Variants in MBOAT1 observed in about 807,000 individuals in gnomAD.
The protein encoded by MBOAT1 is membrane bound glycerophospholipid O-acyltransferase 1.
MBOAT1 carries 67 observed loss-of-function variants against 64.4 expected under a neutral mutation model. That is an observed-to-expected ratio of 1.04 (90% CI 0.85 to 1.27). MBOAT1 has a LOEUF of 1.27. MBOAT1 is among the 50% of genes most tolerant of loss of function. The pLI, the probability that MBOAT1 is intolerant of heterozygous loss-of-function variation, is 0.00. For missense variants in MBOAT1, 563 were observed against 604.6 expected, an observed-to-expected ratio of 0.93 and a Z score of 0.72; for synonymous variants, 229 against 218.9, an observed-to-expected ratio of 1.05 and a Z score of -0.41.
Position 20,102,355 on chromosome 6 carries a change from C to T in MBOAT1, c.1419G>A (p.Met473Ile). 6.2e-7 allele frequency: 1 copy of T among 1,613,572 alleles called. No homozygotes were observed. Among genetic ancestry groups the T allele is most frequent in the East Asian group, 2.2e-5 (1 of 44,870 alleles). ...GCCTTTGCGTATGAGCTTGTGGTTTCATTGGCAGAAATAGTATTATCAGGA... is the reference window on the plus strand; with the variant it reads ...GCCTTTGCGTATGAGCTTGTGGTTTTATTGGCAGAAATAGTATTATCAGGA... Reference protein sequence around the residue: ...ISLLIILFLPMKPQAHTQRRP... With the variant: ...ISLLIILFLPIKPQAHTQRRP... The change falls in exon 13 of 13, where the codon ATG (methionine) becomes ATA (isoleucine). Residue 473 changes from methionine to isoleucine, a missense_variant. Physicochemically the swap from Met to Ile is conservative, Grantham distance 10. Coordinates refer to ENST00000324607, the MANE Select transcript of MBOAT1 (RefSeq NM_001080480.3).
rs1234059022 is a variant in MBOAT1, at chr6:20,101,885, G to A, written c.*401C>T. 1.3e-5 allele frequency among the ~76,000 whole-genome samples: 2 copies of A among 151,932 alleles called. No homozygotes were observed. Among genetic ancestry groups the A allele is most frequent in the Non-Finnish European group, 2.9e-5 (2 of 67,956 alleles). On this transcript the variant is annotated 3_prime_UTR_variant, in exon 13 of 13. Coordinates refer to ENST00000324607, the MANE Select transcript of MBOAT1 (RefSeq NM_001080480.3). ...AATCCCAGCACTTTGGGAGGCCGAGGCGGGCGGATCACGAGGTCAGGAGAT... is the reference window on the plus strand; with the variant it reads ...AATCCCAGCACTTTGGGAGGCCGAGACGGGCGGATCACGAGGTCAGGAGAT...
intron 1 of MBOAT1, among the ~76,000 whole-genome samples, chr6:20,188,822 G>A (rs1762726255): frequency 6.6e-6 from 1 of 152,100 alleles, no homozygotes; most frequent in African/African-American, 2.4e-5. Context: ...TATCTGTGTG[G>A]CTGTGGGCAT....
At chr6:20,210,325 G>A (rs978157477) in intron 1 of MBOAT1, among the ~76,000 whole-genome samples, 2 of 152,124 alleles carry the variant, frequency 1.3e-5, no homozygotes, top group Admixed American at 6.5e-5. Context: ...TTAAAAATGT[G>A]AAAGGGAAAA....
chr6:20,182,309 G>T (rs1462917501), intron 1 of MBOAT1, among the ~76,000 whole-genome samples: 1 of 152,050 alleles, frequency 6.6e-6, no homozygotes, highest in Non-Finnish European at 1.5e-5. Context: ...TAGCAGAACG[G>T]CCAAACAAGC....
chr6:20,126,813 C>A (rs929193122), intron 6 of MBOAT1, 113 bp from the exon 7 acceptor site: 4 of 787,224 alleles, frequency 5.1e-6, no homozygotes, highest in Non-Finnish European at 8.0e-6. Flanking sequence ...ATGACATGAC[C>A]TTTCCTTGTT....
chr6:20,179,132 G>A (rs766645023), intron 1 of MBOAT1, among the ~76,000 whole-genome samples: 1 of 135,338 alleles, frequency 7.4e-6, no homozygotes, highest in Non-Finnish European at 1.5e-5. Flanking sequence ...CTGTTATTCT[G>A]CATGCTTCAA....
At chr6:20,139,121 TTTTTA>T (rs1373892337) in intron 4 of MBOAT1, among the ~76,000 whole-genome samples, 18 of 152,000 alleles carry the variant, frequency 1.2e-4, no homozygotes, top group African/African-American at 4.1e-4. Context: ...TTTGTTTGGG[TTTTTA>T]TTTTGTTTGT....
chr6:20,123,839 G>A (rs1237834325), intron 8 of MBOAT1, among the ~76,000 whole-genome samples: 1 of 152,118 alleles, frequency 6.6e-6, no homozygotes, highest in Non-Finnish European at 1.5e-5. Flanking sequence ...GGCAGATCAC[G>A]ACGTCAGGAG....
At chr6:20,124,625 C>T (rs1302018518) in intron 7 of MBOAT1, 25 bp from the exon 8 acceptor site, 1 of 1,611,242 alleles carries the variant, frequency 6.2e-7, no homozygotes, top group Non-Finnish European at 8.5e-7. Context: ...AAATCAGTGT[C>T]ACCGTGCAGA....
intron 1 of MBOAT1, among the ~76,000 whole-genome samples, chr6:20,170,272 C>T (rs1324319598): frequency 6.6e-6 from 1 of 152,196 alleles, no homozygotes; most frequent in Non-Finnish European, 1.5e-5. Flanking sequence ...AGATGTCTCT[C>T]CTGAAGACAC....
chr6:20,171,266 G>A (rs577509478), intron 1 of MBOAT1, among the ~76,000 whole-genome samples: 2 of 152,208 alleles, frequency 1.3e-5, no homozygotes, highest in South Asian at 4.1e-4. Flanking sequence ...GCTGGGTGCA[G>A]CGGCTCATGC....
In MBOAT1 at chr6:20,171,509, C is replaced by T. The variant is rs532334614; in HGVS notation, c.100-18740G>A. ...TCTAGGCTGCAGTGAGCTATGACTG[C>T]ACCACTGCACTCCAGCCTGCCAAGA... On this transcript the variant is annotated intron_variant, in intron 1 of 12. Transcript: ENST00000324607. Among the ~76,000 whole-genome samples the T allele has an allele frequency of 5.9e-4, 90 of 151,836 alleles. 1 individual carries two copies. The highest frequency in any genetic ancestry group is 2.0e-3 in the African/African-American group (81 of 41,394).
intron 1 of MBOAT1, among the ~76,000 whole-genome samples, chr6:20,192,916 A>G (rs147903197): frequency 5.5e-4 from 84 of 151,520 alleles, no homozygotes; most frequent in African/African-American, 2.0e-3. Context: ...GACACACCTC[A>G]GGAGGAAACC....
At chr6:20,155,703 T>C (rs1258050530) in intron 1 of MBOAT1, among the ~76,000 whole-genome samples, 2 of 152,150 alleles carry the variant, frequency 1.3e-5, no homozygotes, top group Non-Finnish European at 2.9e-5. Flanking sequence ...AAAAACAAGC[T>C]TGGCCAATCA....
intron 1 of MBOAT1, among the ~76,000 whole-genome samples, chr6:20,198,045 G>A (rs1024022864): frequency 6.6e-6 from 1 of 152,040 alleles, no homozygotes; most frequent in Non-Finnish European, 1.5e-5. Flanking sequence ...GGTCAACATG[G>A]TGAAACCCCA....
chr6:20,175,661 G>A (rs1427840455), intron 1 of MBOAT1, among the ~76,000 whole-genome samples: 2 of 149,398 alleles, frequency 1.3e-5, no homozygotes, highest in East Asian at 2.0e-4. Flanking sequence ...TAGTAGAGAC[G>A]CAATTTCACT....
chr6:20,113,283 C>T (rs1386830861), intron 10 of MBOAT1, among the ~76,000 whole-genome samples: 2 of 152,330 alleles, frequency 1.3e-5, no homozygotes, highest in African/African-American at 4.8e-5. Flanking sequence ...ACCCATCACA[C>T]TGTATCTGTT....
In MBOAT1 at chr6:20,115,479, C is replaced by G. The variant is rs774334377; in HGVS notation, c.1012-127G>C. The G allele has an allele frequency of 4.1e-6, 3 of 723,920 alleles. No homozygotes were observed. The African/African-American group carries it at 5.2e-5, about 13-fold the overall frequency. 44.8% of individuals were successfully genotyped at this position (723,920 alleles called of 1,614,324 possible). A position where few individuals can be genotyped will look rare whatever the true frequency, so the allele number is the denominator to read the frequency against. On this transcript the variant is annotated intron_variant, in intron 9 of 12. Coordinates refer to ENST00000324607, the MANE Select transcript of MBOAT1 (RefSeq NM_001080480.3). ...AATAGTGACTGCTCACAGTTGAGAG[C>G]AAGTCAGCTGTTCCATCCTACACAG...
At chr6:20,193,949 G>T (rs1364348173) in intron 1 of MBOAT1, among the ~76,000 whole-genome samples, 1 of 152,024 alleles carries the variant, frequency 6.6e-6, no homozygotes, top group Admixed American at 6.6e-5. Context: ...TACATGCAAA[G>T]ATTTGAATAA....
Sources: gnomAD v4.1 joint callset for allele counts (sites outside exome capture counted in the v4.1 genomes callset) on GRCh38, gnomAD v4.1.1 for gene constraint, MANE v1.5 for transcripts, NCBI Gene and HGNC (gene_info 2026-07-23, HGNC 2026-07-21) for gene names.